The following SLC4A8 variants were observed in gnomAD, a reference collection of about 807,000 sequenced individuals.
SLC4A8 encodes the protein electroneutral sodium bicarbonate exchanger 1.
Under a neutral mutation model 125.0 loss-of-function variants are expected in SLC4A8, and 40 were observed. The ratio of observed to expected loss-of-function variants is 0.32; its 90% CI spans 0.25 to 0.42. The LOEUF (loss-of-function observed/expected upper bound fraction) is 0.42, where lower values mean the gene tolerates loss of function less well. Ranked by LOEUF, SLC4A8 falls within the 10% of genes least tolerant of loss-of-function variation. The probability of loss-of-function intolerance (pLI) is 1.00; values close to 1 mark genes in which losing one functional copy is unlikely to be tolerated. For missense variants in SLC4A8, 863 were observed against 1,355.1 expected, an observed-to-expected ratio of 0.64 and a Z score of 5.70; for synonymous variants, 456 against 476.0, an observed-to-expected ratio of 0.96 and a Z score of 0.55.
At position 51,513,342 on chromosome 12, in the gene SLC4A8, T is replaced by G. The variant is rs1216995627; in HGVS notation, c.*5904T>G. 6.6e-6 allele frequency: 1 copy of G among 152,252 alleles called. No homozygotes were observed. 9.4% of individuals were successfully genotyped at this position (152,252 alleles called of 1,614,324 possible). A position where few individuals can be genotyped will look rare whatever the true frequency, so the allele number is the denominator to read the frequency against. ...CATACAGCTCCTGTCCCCATCTCTTTATGTGTAGAGACCTGGATTTGGGGT... is the reference window on the plus strand; with the variant it reads ...CATACAGCTCCTGTCCCCATCTCTTGATGTGTAGAGACCTGGATTTGGGGT... On this transcript the variant is annotated 3_prime_UTR_variant, in exon 25 of 25. Coordinates refer to ENST00000453097, the MANE Select transcript of SLC4A8 (RefSeq NM_001039960.3).
Position 51,450,470 on chromosome 12 carries a change from G to A in SLC4A8, c.131-406G>A, listed in dbSNP as rs150701776. ...AGGTGGGCTGATTTGAGCCTTACCT[G>A]TGCTCTTAACGACTTTTCTAAACTG... On this transcript the variant is annotated intron_variant, in intron 2 of 24. Coordinates refer to ENST00000453097, the MANE Select transcript of SLC4A8 (RefSeq NM_001039960.3). Among the ~76,000 whole-genome samples the A allele has an allele frequency of 4.3e-4, 65 of 152,288 alleles. No individual in the cohort carries two copies. In the East Asian group the frequency reaches 9.6e-3, roughly 23 times the overall value.
chr12:51,397,054 C>G (rs1948277941), intron 1 of SLC4A8, among the ~76,000 whole-genome samples: 1 of 151,414 alleles, frequency 6.6e-6, no homozygotes, highest in South Asian at 2.1e-4. Context: ...CTCAGCCTCC[C>G]GAGTAGCTGG....
chr12:51,461,227 C>T lies in SLC4A8; in HGVS notation c.1037C>T (p.Pro346Leu). 1 of 1,611,480 alleles carries T rather than the reference C, an allele frequency of 6.2e-7. No individual in the cohort carries two copies. The highest frequency in any genetic ancestry group is 8.5e-7 in the Non-Finnish European group (1 of 1,177,912). ...AGATTTTTGTTTATCTTATTGGGTC[C>T]AGTAGGGAAAGGTCAGCAGTACCAT... ...PTRFLFILLGPVGKGQQYHEI... is the reference protein window; with the variant it reads ...PTRFLFILLGLVGKGQQYHEI... Residue 346 changes from proline (P) to leucine (L), a missense_variant, in exon 9 of 25, where the codon CCA (proline) becomes CTA (leucine). By Grantham distance (98) the Pro-to-Leu change is moderately conservative. Transcript: ENST00000453097.
intron 1 of SLC4A8, among the ~76,000 whole-genome samples, chr12:51,431,296 T>C (rs1949177581): frequency 1.3e-5 from 2 of 152,252 alleles, no homozygotes; most frequent in African/African-American, 2.4e-5. Flanking sequence ...ATCAGCTGAT[T>C]AGCAACCTTA....
rs751647467 is a variant in SLC4A8, at chr12:51,471,414, G to A, written c.1786G>A (p.Ala596Thr). The change falls in exon 14 of 25, where the codon GCA becomes ACA. Residue 596 changes from alanine to threonine, a missense_variant. Around this residue, in one of 6 missense-constraint regions of SLC4A8, gnomAD observed 390 missense variants for 634.4 expected, o/e 0.61. Coordinates refer to ENST00000453097, the MANE Select transcript of SLC4A8 (RefSeq NM_001039960.3). The part of the protein sequence containing the change: ...VCYITRFTEE[A>T]FASLICIIFI... Reference sequence around the variant, plus strand: ...CTACATTACCCGTTTCACTGAAGAAGCATTTGCCTCCCTAATTTGCATTAT... The same window carrying A: ...CTACATTACCCGTTTCACTGAAGAAACATTTGCCTCCCTAATTTGCATTAT... 9.9e-6 allele frequency: 16 copies of A among 1,614,024 alleles called. No individual in the cohort carries two copies. Among genetic ancestry groups the A allele is most frequent in the Non-Finnish European group, 1.7e-6 (2 of 1,180,026 alleles).
chr12:51,444,067 C>T (rs1280188702), intron 2 of SLC4A8, among the ~76,000 whole-genome samples: 1 of 152,042 alleles, frequency 6.6e-6, no homozygotes. Context: ...CTAGGTTTGA[C>T]CTTTTTTGGA....
chr12:51,453,957 A>G (rs1950049518), intron 5 of SLC4A8, among the ~76,000 whole-genome samples: 1 of 152,110 alleles, frequency 6.6e-6, no homozygotes, highest in Admixed American at 6.5e-5. Context: ...CAAATGTTTT[A>G]TTTTGTATCT....
intron 13 of SLC4A8, 134 bp from the exon 14 acceptor site, chr12:51,471,153 G>C (rs2292216): frequency 0.022 from 18,235 of 846,620 alleles, 1,296 homozygotes; most frequent in African/African-American, 0.18. Flanking sequence ...TATTTAGAAG[G>C]AAAATACAAT....
intron 16 of SLC4A8, among the ~76,000 whole-genome samples, chr12:51,481,421 A>C (rs1951022625): frequency 6.6e-6 from 1 of 152,182 alleles, no homozygotes; most frequent in South Asian, 2.1e-4. Context: ...ACGTTTATAG[A>C]ATATTTTAAA....
chr12:51,480,036 C>T (rs1305383062), intron 16 of SLC4A8: 4 of 351,770 alleles, frequency 1.1e-5, no homozygotes, highest in South Asian at 6.2e-5. Context: ...GTGGTGTGAT[C>T]TTGGCTCACT....
intron 11 of SLC4A8, among the ~76,000 whole-genome samples, chr12:51,467,935 T>C (rs552544258): frequency 5.6e-4 from 86 of 152,370 alleles, no homozygotes; most frequent in Middle Eastern, 3.4e-3. Context: ...CATTGTCTAA[T>C]GCTCAGTTCT....
At chr12:51,462,658 C>T (rs1428750209) in intron 10 of SLC4A8, 4 of 352,882 alleles carry the variant, frequency 1.1e-5, no homozygotes, top group South Asian at 9.1e-5. Flanking sequence ...TTTGGGACGC[C>T]GAGGCAGGTA....
chr12:51,428,329 A>G (rs140806204), intron 1 of SLC4A8, among the ~76,000 whole-genome samples: 144 of 152,286 alleles, frequency 9.5e-4, no homozygotes, highest in Middle Eastern at 3.4e-3. Context: ...GCAGGGGACA[A>G]GCAGAAAATC....
rs1198001447 is a variant in SLC4A8 at position 51,425,040 on chromosome 12, G to A, written c.48+5G>A. 3.2e-5 allele frequency: 50 copies of A among 1,553,794 alleles called. No homozygotes were observed. Among genetic ancestry groups the A allele is most frequent in the Non-Finnish European group, 4.2e-5 (48 of 1,149,420 alleles). ...GACGGCGTCCTCAGCTATCAGGTAG[G>A]GCCCCGCCTCCCGCGCCTCCCGCTC... On this transcript the variant is annotated splice_donor_5th_base_variant and intron_variant, in intron 1 of 24. Coordinates refer to ENST00000453097, the MANE Select transcript of SLC4A8 (RefSeq NM_001039960.3).
chr12:51,400,660 G>A (rs115696145), intron 1 of SLC4A8, among the ~76,000 whole-genome samples: 6 of 144,856 alleles, frequency 4.1e-5, no homozygotes, highest in African/African-American at 1.5e-4. Context: ...GGTATAGATT[G>A]TCTAGTTTGT....
chr12:51,447,580 T>C (rs551071682), intron 2 of SLC4A8, among the ~76,000 whole-genome samples: 1 of 152,110 alleles, frequency 6.6e-6, no homozygotes, highest in Non-Finnish European at 1.5e-5. Context: ...TGATGGTGGG[T>C]ACAGCAGTCA....
chr12:51,441,062 TG>T (rs1949578419), intron 2 of SLC4A8: 1 of 1,109,454 alleles, frequency 9.0e-7, no homozygotes, highest in Non-Finnish European at 1.1e-6. Flanking sequence ...ACAAGTAACC[TG>T]TTCTTTGAGA....
rs1015391172 is a variant in SLC4A8, at chr12:51,394,753, G to A, written c.-112+3265G>A. The stretch of plus-strand genomic sequence containing the variant: ...TAGCGGGTATTATGCTTATTACCTG[G>A]ATGACAAAATCATCTGTACACCAAA... On this transcript the variant is annotated intron_variant, in intron 1 of 24. Coordinates refer to the SLC4A8 transcript ENST00000358657. Among the ~76,000 whole-genome samples, 7 of 152,196 alleles carry A rather than the reference G, an allele frequency of 4.6e-5. No individual in the cohort carries two copies. In the East Asian group the frequency reaches 1.3e-3, roughly 29 times the overall value.
intron 1 of SLC4A8, among the ~76,000 whole-genome samples, chr12:51,406,595 G>T (rs1948493669): frequency 6.6e-6 from 1 of 152,236 alleles, no homozygotes; most frequent in African/African-American, 2.4e-5. Context: ...ACGAGTAGAA[G>T]TTTGCCAGGT....
Sources: gnomAD v4.1 joint callset for allele counts (sites outside exome capture counted in the v4.1 genomes callset) on GRCh38, gnomAD v4.1.1 for gene constraint, gnomAD v4.1.1 regional missense constraint, MANE v1.5 for transcripts, NCBI Gene and HGNC (gene_info 2026-07-23, HGNC 2026-07-21) for gene names.